Variants in RNF38 observed in about 807,000 individuals in gnomAD.
The protein encoded by RNF38 is ring finger protein 38.
In RNF38, 15 loss-of-function variants were observed where a neutral mutation model predicts 67.2. That is an observed-to-expected ratio of 0.22 (90% CI 0.15 to 0.34). The LOEUF (loss-of-function observed/expected upper bound fraction) is 0.34, where lower values mean the gene tolerates loss of function less well. Among genes scored for constraint, RNF38 ranks in the 10% least tolerant of loss-of-function variants. The pLI, the probability that RNF38 is intolerant of heterozygous loss-of-function variation, is 1.00. For missense variants in RNF38, 524 were observed against 639.9 expected, an observed-to-expected ratio of 0.82 and a Z score of 1.95; for synonymous variants, 220 against 218.8, an observed-to-expected ratio of 1.01 and a Z score of -0.05.
chr9:36,462,339 C>T (rs1011755155), intron 1 of RNF38, among the ~76,000 whole-genome samples: 2 of 152,142 alleles, frequency 1.3e-5, no homozygotes, highest in Admixed American at 6.5e-5. Context: ...CCTGCTCTAC[C>T]GTAACAGCCT....
At chr9:36,383,049 G>A (rs769407064) in intron 2 of RNF38, among the ~76,000 whole-genome samples, 15 of 151,578 alleles carry the variant, frequency 9.9e-5, no homozygotes, top group Non-Finnish European at 1.6e-4. Context: ...TTTTTGTTTT[G>A]CAGAAGATGG....
intron 1 of RNF38, among the ~76,000 whole-genome samples, chr9:36,435,276 T>G (rs1839037068): frequency 1.3e-5 from 2 of 152,150 alleles, no homozygotes; most frequent in South Asian, 4.1e-4. Flanking sequence ...AAAATAAACT[T>G]TAGAAAAGAG....
intron 6 of RNF38, among the ~76,000 whole-genome samples, chr9:36,355,938 C>T (rs1370862621): frequency 6.6e-6 from 1 of 152,134 alleles, no homozygotes; most frequent in African/African-American, 2.4e-5. Context: ...CCTCTGCCTC[C>T]TGGATTCAAG....
intron 1 of RNF38, among the ~76,000 whole-genome samples, chr9:36,481,776 C>T (rs1218720516): frequency 6.6e-6 from 1 of 152,142 alleles, no homozygotes; most frequent in Non-Finnish European, 1.5e-5. Context: ...GAAGTCCGGT[C>T]TTGTCCTTGG....
intron 2 of RNF38, among the ~76,000 whole-genome samples, chr9:36,420,531 C>CAAAAAAAAAAAAAAA (rs1447823341): frequency 3.5e-5 from 1 of 28,974 alleles, no homozygotes; most frequent in Non-Finnish European, 1.1e-4. Context: ...GACTCTGTCT[C>CAAAAAAAAAAAAAAA]CAAAAAAAAA....
chr9:36,372,315 CCCTCTT>C (rs757726932), intron 3 of RNF38, among the ~76,000 whole-genome samples: 18 of 152,210 alleles, frequency 1.2e-4, no homozygotes, highest in Non-Finnish European at 5.9e-5. Flanking sequence ...TCATCCCTCT[CCCTCTT>C]ACATCTCACA....
Position 36,369,877 on chromosome 9 carries a change from T to C in RNF38, c.412A>G (p.Ile138Val), listed in dbSNP as rs764584185. The C allele has an allele frequency of 4.3e-6, 7 of 1,613,654 alleles. No individual in the cohort carries two copies. Among genetic ancestry groups the C allele is most frequent in the South Asian group, 3.3e-5 (3 of 91,064 alleles). Residue 138 changes from isoleucine (I) to valine (V), a missense_variant, in exon 4 of 12, where the codon ATT becomes GTT. Transcript: ENST00000259605. ...TGGTGATAGTTTTCATCTTGACTAA[T>C]GGAATTATGTCGAGACAGACGATCC... is the stretch of plus-strand genomic sequence containing the variant. ...RRDRLSRHNSISQDENYHHLP... is the reference protein window; with the variant it reads ...RRDRLSRHNSVSQDENYHHLP...
intron 2 of RNF38, among the ~76,000 whole-genome samples, chr9:36,422,352 G>C (rs539127034): frequency 6.6e-6 from 1 of 151,988 alleles, no homozygotes; most frequent in African/African-American, 2.4e-5. Context: ...GGGAGGCAGA[G>C]GTTGCAGTGA....
At chr9:36,379,396 A>T (rs549912474) in intron 2 of RNF38, among the ~76,000 whole-genome samples, 2 of 152,370 alleles carry the variant, frequency 1.3e-5, no homozygotes, top group East Asian at 3.9e-4. Flanking sequence ...AATAAGAATT[A>T]TATTAACATC....
At chr9:36,359,905 C>T (rs571410803) in intron 4 of RNF38, among the ~76,000 whole-genome samples, 1 of 136,326 alleles carries the variant, frequency 7.3e-6, no homozygotes, top group African/African-American at 2.7e-5. Flanking sequence ...TGTGCCACTA[C>T]ACCTGGCTTT....
chr9:36,435,726 T>C (rs1276159529), intron 1 of RNF38, among the ~76,000 whole-genome samples: 1 of 150,792 alleles, frequency 6.6e-6, no homozygotes, highest in Non-Finnish European at 1.5e-5. Context: ...GCCTCCCGGG[T>C]TCACGTCATT....
chr9:36,457,218 C>T (rs1106275), intron 1 of RNF38, among the ~76,000 whole-genome samples: 29,961 of 152,004 alleles, frequency 0.2, 3,072 homozygotes, highest in Admixed American at 0.25. Context: ...TTACCAAACA[C>T]GAAGGCACTG....
chr9:36,456,132 C>T (rs1839590896), intron 1 of RNF38, among the ~76,000 whole-genome samples: 2 of 152,154 alleles, frequency 1.3e-5, no homozygotes, highest in Non-Finnish European at 2.9e-5. Flanking sequence ...GTGATCTCAG[C>T]TCACTGCAAC....
chr9:36,442,598 G>T (rs924290966), intron 1 of RNF38, among the ~76,000 whole-genome samples: 4 of 152,276 alleles, frequency 2.6e-5, no homozygotes, highest in Middle Eastern at 3.4e-3. Context: ...AGGTTAACAT[G>T]GTGAAACCCC....
At chr9:36,452,717 G>C (rs896584643) in intron 1 of RNF38, among the ~76,000 whole-genome samples, 1 of 152,070 alleles carries the variant, frequency 6.6e-6, no homozygotes, top group Non-Finnish European at 1.5e-5. Context: ...ATTTTTGGTA[G>C]AGATGGGGTT....
chr9:36,464,135 G>A (rs1326146731), intron 1 of RNF38, among the ~76,000 whole-genome samples: 1 of 151,892 alleles, frequency 6.6e-6, no homozygotes, highest in African/African-American at 2.4e-5. Context: ...CTGCACTCCA[G>A]CCTGGGCGAC....
chr9:36,369,155 G>A (rs1347745268), intron 4 of RNF38, among the ~76,000 whole-genome samples: 3 of 152,286 alleles, frequency 2.0e-5, no homozygotes, highest in African/African-American at 4.8e-5. Flanking sequence ...CAAACCATCA[G>A]TTGTCTGCTA....
At chr9:36,433,779 C>A (rs1348003972) in intron 1 of RNF38, among the ~76,000 whole-genome samples, 1 of 150,438 alleles carries the variant, frequency 6.6e-6, no homozygotes, top group Non-Finnish European at 1.5e-5. Flanking sequence ...GTAAAAATGA[C>A]ACCTTGTCAC....
Position 36,400,001 on chromosome 9 carries a change from C to T in RNF38, c.12+96G>A, listed in dbSNP as rs1564044461. 4.6e-6 allele frequency: 5 copies of T among 1,093,864 alleles called. No individual in the cohort carries two copies. The African/African-American group carries it at 6.3e-5, about 14-fold the overall frequency. 67.8% of individuals were successfully genotyped at this position (1,093,864 alleles called of 1,614,324 possible). ...ATTCATATAATGGTGGCAATAATTA[C>T]ATGTGTGTGTTTCTACTTACGGTAG... On this transcript the variant is annotated intron_variant, in intron 1 of 11. Coordinates refer to ENST00000259605, the MANE Select transcript of RNF38 (RefSeq NM_022781.5).
Sources: allele counts gnomAD v4.1 joint callset (sites outside exome capture counted in the v4.1 genomes callset), GRCh38; gene constraint gnomAD v4.1.1; transcripts MANE v1.5; gene names NCBI Gene and HGNC (gene_info 2026-07-23, HGNC 2026-07-21).